Variants in LRG1 observed in about 807,000 individuals in gnomAD.
The protein encoded by LRG1 is leucine rich alpha-2-glycoprotein 1.
A neutral mutation model predicts 2.4 loss-of-function variants in LRG1; 1 was observed. That is an observed-to-expected ratio of 0.41 (90% CI 0.15 to 1.95). LRG1 has a LOEUF of 1.95. Ranked by LOEUF, LRG1 falls within the 30% of genes most tolerant of loss-of-function variation. The probability of loss-of-function intolerance (pLI) is 0.30; values close to 1 mark genes in which losing one functional copy is unlikely to be tolerated. For synonymous variants in LRG1, 226 were observed against 210.6 expected, an observed-to-expected ratio of 1.07 and a Z score of -0.63; for missense variants, 425 against 436.9, an observed-to-expected ratio of 0.97 and a Z score of 0.24.
intron 1 of LRG1, among the ~76,000 whole-genome samples, chr19:4,539,406 G>T (rs1278228377): frequency 1.3e-5 from 2 of 152,180 alleles, no homozygotes; most frequent in African/African-American, 4.8e-5. Flanking sequence ...TCTTTTCCAT[G>T]AAGACTTCTC....
In LRG1 at chr19:4,538,920, T is replaced by C. The variant is rs773912817; in HGVS notation, c.64A>G (p.Thr22Ala). The change falls in exon 2 of 2, where the codon ACT (threonine) becomes GCT (alanine). Residue 22 changes from threonine to alanine, a missense_variant. Thr to Ala is a moderately conservative substitution (Grantham distance 58). Transcript: ENST00000306390. ...PGGIQPHVSRTLFLLLLLAAS... is the reference protein window; with the variant it reads ...PGGIQPHVSRALFLLLLLAAS... ...GCCAACAGCAGCAGCAGGAACAGAG[T>C]TCTAGAAACATGGGGTTGAATGCCC... 6.6e-6 allele frequency: 10 copies of C among 1,511,256 alleles called. No homozygotes were observed. Among genetic ancestry groups the C allele is most frequent in the Middle Eastern group, 1.8e-4 (1 of 5,582 alleles). 93.6% of individuals were successfully genotyped at this position (1,511,256 alleles called of 1,614,324 possible).
rs1245794545 is a variant in LRG1, at chr19:4,538,432, C to T, written c.552G>A (p.Leu184=). Residue 184 remains leucine, a synonymous_variant, in exon 2 of 2, where the codon CTG becomes CTA. Coordinates refer to ENST00000306390, the MANE Select transcript of LRG1 (RefSeq NM_052972.3). ...NRLRKLPPGL[L]ANFTLLRTLD... is the part of the protein sequence containing the mutation. ...GGGTGCGCAGGAGGGTGAAGTTGGC[C>T]AGCAGCCCGGGGGGCAGTTTCCGGA... 6.2e-7 allele frequency: 1 copy of T among 1,614,086 alleles called. No individual in the cohort carries two copies. The highest frequency in any genetic ancestry group is 1.1e-5 in the South Asian group (1 of 91,086).
In LRG1 at chr19:4,536,563, T is replaced by G. The variant is rs960950907; in HGVS notation, c.*1377A>C. The G allele has an allele frequency of 3.3e-5, 5 of 152,154 alleles. No homozygotes were observed. The highest frequency in any genetic ancestry group is 7.3e-5 in the Non-Finnish European group (5 of 68,048). 9.4% of individuals were successfully genotyped at this position (152,154 alleles called of 1,614,324 possible). On this transcript the variant is annotated 3_prime_UTR_variant, in exon 2 of 2. Coordinates refer to ENST00000306390, the MANE Select transcript of LRG1 (RefSeq NM_052972.3). ...AGCTGGTATTACAGGCACGTGCCAC[T>G]GTGCCTGGCTAATTTTTGTATTTTT...
In LRG1 at chr19:4,538,781, G is replaced by C; in HGVS notation, c.203C>G (p.Ala68Gly). The C allele has an allele frequency of 6.2e-7, 1 of 1,605,850 alleles. No homozygotes were observed. The highest frequency in any genetic ancestry group is 8.5e-7 in the Non-Finnish European group (1 of 1,173,668). Residue 68 changes from alanine (A) to glycine (G), a missense_variant, in exon 2 of 2, where the codon GCC becomes GGC. By Grantham distance (60) the Ala-to-Gly change is moderately conservative. Transcript: ENST00000306390. The part of the protein sequence containing the change: ...PPAEIPGYLP[A>G]DTVHLAVEFF... ...TTCCACGGCCAGGTGCACGGTGTCGGCTGGCAGGTAGCCGGGGATTTCGGC... is the reference window on the plus strand; with the variant it reads ...TTCCACGGCCAGGTGCACGGTGTCGCCTGGCAGGTAGCCGGGGATTTCGGC...
chr19:4,539,522 C>T (rs1190846887), intron 1 of LRG1, among the ~76,000 whole-genome samples: 1 of 152,192 alleles, frequency 6.6e-6, no homozygotes, highest in African/African-American at 2.4e-5. Context: ...CTCAGTTGCC[C>T]AGGCTGGAGG....
chr19:4,538,135 T>C lies in LRG1; in HGVS notation c.849A>G (p.Leu283=). ...ASVPEGLWAS[L]GQPNWDMRDG... is the part of the protein sequence containing the mutation. ...CCCGCATGTCCCAGTTTGGCTGCCC[T>C]AGGGATGCCCAGAGCCCCTCGGGCA... Residue 283 remains leucine (L), a synonymous_variant, in exon 2 of 2, where the codon CTA becomes CTG. Coordinates refer to ENST00000306390, the MANE Select transcript of LRG1 (RefSeq NM_052972.3). 1.9e-6 allele frequency: 3 copies of C among 1,614,034 alleles called. No individual in the cohort carries two copies. The highest frequency in any genetic ancestry group is 1.7e-6 in the Non-Finnish European group (2 of 1,179,996).
rs1976954554 is a variant in LRG1, at chr19:4,537,146, T to G, written c.*794A>C. 1 of 152,282 alleles carries G rather than the reference T, an allele frequency of 6.6e-6. No individual in the cohort carries two copies. The highest frequency in any genetic ancestry group is 2.4e-5 in the African/African-American group (1 of 41,440). The allele number at this position is 152,282 out of a possible 1,614,324, so 9.4% of individuals were successfully genotyped here. A position where few individuals can be genotyped will look rare whatever the true frequency, so the allele number is the denominator to read the frequency against. ...GCCTGGGCCATGCCTCTTTTCCTCCTTCACCCTGGAGTCCTGGGAAGTTGA... is the reference window on the plus strand; with the variant it reads ...GCCTGGGCCATGCCTCTTTTCCTCCGTCACCCTGGAGTCCTGGGAAGTTGA... On this transcript the variant is annotated 3_prime_UTR_variant, in exon 2 of 2. Transcript: ENST00000306390.
At position 4,537,760 on chromosome 19, in the gene LRG1, G is replaced by A. The variant is rs1469700221; in HGVS notation, c.*180C>T. On this transcript the variant is annotated 3_prime_UTR_variant, in exon 2 of 2. Coordinates refer to ENST00000306390, the MANE Select transcript of LRG1 (RefSeq NM_052972.3). ...TTTTTTATATTTTTAGTAGAGACAG[G>A]GTTTCACCATGTTAGCCAAGATGGT... The A allele has an allele frequency of 2.5e-5, 16 of 650,972 alleles. No homozygotes were observed. The highest frequency in any genetic ancestry group is 4.1e-5 in the Non-Finnish European group (16 of 392,330). 40.3% of individuals were successfully genotyped at this position (650,972 alleles called of 1,614,324 possible). A position where few individuals can be genotyped will look rare whatever the true frequency, so the allele number is the denominator to read the frequency against.
chr19:4,538,794 C>A lies in LRG1; in HGVS notation c.190G>T (p.Gly64Cys). Residue 64 changes from glycine to cysteine, a missense_variant, in exon 2 of 2, where the codon GGC (glycine) becomes TGC (cysteine). By Grantham distance (159) the Gly-to-Cys change is radical. Transcript: ENST00000306390. ...TGCACGGTGTCGGCTGGCAGGTAGC[C>A]GGGGATTTCGGCAGGTGGTTGACAG... ...ISCQPPAEIP[G>C]YLPADTVHLA... 1 of 1,603,936 alleles carries A rather than the reference C, an allele frequency of 6.2e-7. No homozygotes were observed. Among genetic ancestry groups the A allele is most frequent in the Non-Finnish European group, 8.5e-7 (1 of 1,172,474 alleles).
Position 4,539,977 on chromosome 19 carries a change from C to T in LRG1, c.32+5G>A. Reference sequence around the variant, plus strand: ...CTGCCTAGGACAGGTAGTGTGGGGACCTACCTTTTTGGTCGCTGTCTGCTC... The same window carrying T: ...CTGCCTAGGACAGGTAGTGTGGGGATCTACCTTTTTGGTCGCTGTCTGCTC... On this transcript the variant is annotated splice_donor_5th_base_variant and intron_variant, in intron 1 of 1. Coordinates refer to ENST00000306390, the MANE Select transcript of LRG1 (RefSeq NM_052972.3). 1.9e-6 allele frequency: 3 copies of T among 1,614,152 alleles called. No homozygotes were observed. Among genetic ancestry groups the T allele is most frequent in the Non-Finnish European group, 2.5e-6 (3 of 1,179,994 alleles).
At position 4,538,920 on chromosome 19, in the gene LRG1, T is replaced by G. The variant is rs773912817; in HGVS notation, c.64A>C (p.Thr22Pro). The part of the protein sequence containing the change: ...PGGIQPHVSR[T>P]LFLLLLLAAS... ...GCCAACAGCAGCAGCAGGAACAGAG[T>G]TCTAGAAACATGGGGTTGAATGCCC... Residue 22 changes from threonine (T) to proline (P), a missense_variant, in exon 2 of 2, where the codon ACT becomes CCT. Thr to Pro is a conservative substitution (Grantham distance 38). Transcript: ENST00000306390. 1 of 1,511,256 alleles carries G rather than the reference T, an allele frequency of 6.6e-7. No individual in the cohort carries two copies. Among genetic ancestry groups the G allele is most frequent in the Non-Finnish European group, 8.9e-7 (1 of 1,129,200 alleles). The allele number at this position is 1,511,256 out of a possible 1,614,324, so 93.6% of individuals were successfully genotyped here.
In LRG1 at chr19:4,538,597, G is replaced by A. The variant is rs768740417; in HGVS notation, c.387C>T (p.Thr129=). The change falls in exon 2 of 2, where the codon ACC becomes ACT. Residue 129 remains threonine (T), a synonymous_variant. Transcript: ENST00000306390. ...RVLDLTRNAL[T]GLPPGLFQAS... ...CCTGGAAGAGGCCCGGGGGCAGCCC[G>A]GTCAGGGCGTTTCGGGTTAGATCCA... 8.7e-6 allele frequency: 14 copies of A among 1,612,776 alleles called. No individual in the cohort carries two copies. The highest frequency in any genetic ancestry group is 1.1e-5 in the Non-Finnish European group (13 of 1,179,432).
At position 4,537,319 on chromosome 19, in the gene LRG1, A is replaced by T. The variant is rs1371968222; in HGVS notation, c.*621T>A. On this transcript the variant is annotated 3_prime_UTR_variant, in exon 2 of 2. Transcript: ENST00000306390. ...CAGAGAGCCCCCTGACTTGGGGAAG[A>T]CAGAGTCAGAGAAAGGCAGCCCCAG... 1 of 152,602 alleles carries T rather than the reference A, an allele frequency of 6.6e-6. No individual in the cohort carries two copies. The highest frequency in any genetic ancestry group is 1.5e-5 in the Non-Finnish European group (1 of 68,402). 9.5% of individuals were successfully genotyped at this position (152,602 alleles called of 1,614,324 possible).
At position 4,538,440 on chromosome 19, in the gene LRG1, C is replaced by CG. The variant is rs34044863; in HGVS notation, c.543dup (p.Gly182ArgfsTer13). On this transcript the variant is annotated frameshift_variant, in exon 2 of 2. Transcript: ENST00000306390. LOFTEE classifies it low-confidence loss of function (END_TRUNC). ...AGGAGGGTGAAGTTGGCCAGCAGCC[C>CG]GGGGGGCAGTTTCCGGAGGCGGTTC... 31 of 1,614,000 alleles carry CG rather than the reference C, an allele frequency of 1.9e-5. No individual in the cohort carries two copies. Among genetic ancestry groups the CG allele is most frequent in the Non-Finnish European group, 2.5e-5 (29 of 1,180,018 alleles).
chr19:4,537,990 G>A lies in LRG1; in HGVS notation c.994C>T (p.Pro332Ser). The A allele has an allele frequency of 6.2e-7, 1 of 1,613,788 alleles. No individual in the cohort carries two copies. Among genetic ancestry groups the A allele is most frequent in the Non-Finnish European group, 8.5e-7 (1 of 1,180,028 alleles). Residue 332 changes from proline to serine, a missense_variant, in exon 2 of 2, where the codon CCT becomes TCT. Physicochemically the swap from Pro to Ser is moderately conservative, Grantham distance 74. Coordinates refer to ENST00000306390, the MANE Select transcript of LRG1 (RefSeq NM_052972.3). ...FSQNDTRCAG[P>S]EAVKGQTLLA... ...AGCGTCTGGCCCTTCACGGCTTCAGGCCCAGCACAGCGCGTGTCATTCTGG... is the reference window on the plus strand; with the variant it reads ...AGCGTCTGGCCCTTCACGGCTTCAGACCCAGCACAGCGCGTGTCATTCTGG...
rs192599339 is a variant in LRG1, at chr19:4,538,696, T to A, written c.288A>T (p.Glu96Asp). Reference sequence around the variant, plus strand: ...CCAGCCCATTGCTGGAGAGGTGCAATTCTTGGAGCTTAGAGGCGCCCTGGA... The same window carrying A: ...CCAGCCCATTGCTGGAGAGGTGCAAATCTTGGAGCTTAGAGGCGCCCTGGA... ...NLLQGASKLQ[E>D]LHLSSNGLES... Residue 96 changes from glutamate to aspartate, a missense_variant, in exon 2 of 2, where the codon GAA becomes GAT. Transcript: ENST00000306390. 5.8e-5 allele frequency: 93 copies of A among 1,611,468 alleles called. No individual in the cohort carries two copies. Among genetic ancestry groups the A allele is most frequent in the South Asian group, 1.9e-4 (17 of 91,042 alleles).
Position 4,540,010 on chromosome 19 carries a change from A to G in LRG1, c.4T>C (p.Ser2Pro). 6.2e-7 allele frequency: 1 copy of G among 1,614,128 alleles called. No homozygotes were observed. Among genetic ancestry groups the G allele is most frequent in the South Asian group, 1.1e-5 (1 of 91,082 alleles). The change falls in exon 1 of 2, where the codon TCC (serine) becomes CCC (proline). Residue 2 changes from serine (S) to proline (P), a missense_variant. Transcript: ENST00000306390. The stretch of plus-strand genomic sequence containing the variant: ...TTTGGTCGCTGTCTGCTCCAAGAGG[A>G]CATGGTAGCTCTGCTCTTTTGCTTC... M[S>P]SWSRQRPKSP...
rs142551012 is a variant in LRG1 at position 4,538,500 on chromosome 19, C to A, written c.484G>T (p.Gly162Cys). 6.8e-6 allele frequency: 11 copies of A among 1,613,974 alleles called. No individual in the cohort carries two copies. In the East Asian group the frequency reaches 2.2e-4, roughly 33 times the overall value. ...LEVLEVSWLH[G>C]LKALGHLDLS... ...TCCAGATGCCCCAGAGCTTTCAGGC[C>A]GTGTAGCCACGAGACCTCCAGGACC... is the stretch of plus-strand genomic sequence containing the variant. Residue 162 changes from glycine to cysteine, a missense_variant, in exon 2 of 2, where the codon GGC becomes TGC. Physicochemically the swap from Gly to Cys is radical, Grantham distance 159. Coordinates refer to ENST00000306390, the MANE Select transcript of LRG1 (RefSeq NM_052972.3).
intron 1 of LRG1, chr19:4,539,195 T>G (rs577494652): frequency 2.8e-6 from 1 of 351,758 alleles, no homozygotes; most frequent in South Asian, 1.1e-4. Flanking sequence ...CTAGGAAAGT[T>G]GAGTTTCTGA....
Sources: allele counts gnomAD v4.1 joint callset (sites outside exome capture counted in the v4.1 genomes callset), GRCh38; gene constraint gnomAD v4.1.1; transcripts MANE v1.5; gene names NCBI Gene and HGNC (gene_info 2026-07-23, HGNC 2026-07-21).